The following FAM25G variants were observed in gnomAD, a reference collection of about 807,000 sequenced individuals.
FAM25G encodes family with sequence similarity 25 member G, also known as protein FAM25G.
A neutral mutation model predicts 6.4 loss-of-function variants in FAM25G; 3 were observed. The ratio of observed to expected loss-of-function variants is 0.47; its 90% CI spans 0.21 to 1.21. The LOEUF is 1.21. FAM25G is among the 50% of genes most tolerant of loss of function. The pLI, the probability that FAM25G is intolerant of heterozygous loss-of-function variation, is 0.22. For synonymous variants in FAM25G, 15 were observed against 31.3 expected (o/e 0.48, Z 1.74); for missense variants, 34 against 76.0 (o/e 0.45, Z 2.06).
At chr10:47,487,897 A>C (rs1435909308) in intron 2 of FAM25G, among the ~76,000 whole-genome samples, 2 of 151,032 alleles carry the variant, frequency 1.3e-5, no homozygotes, top group African/African-American at 2.4e-5. Flanking sequence ...ATTAGGCCAA[A>C]GTCTCTGATG....
intron 2 of FAM25G, among the ~76,000 whole-genome samples, chr10:47,488,710 TAA>T (rs1213880651): frequency 8.5e-6 from 1 of 118,128 alleles, no homozygotes; most frequent in Non-Finnish European, 1.7e-5. Context: ...TTTTACATGT[TAA>T]ATTTTTTTTT....
chr10:47,489,952 T>C (rs1195530206), intron 1 of FAM25G, among the ~76,000 whole-genome samples: 5 of 150,768 alleles, frequency 3.3e-5, no homozygotes, highest in Admixed American at 6.6e-5. Flanking sequence ...CCTTGGCTGC[T>C]GGGAGACGAG....
At chr10:47,488,994 C>T (rs1467340487) in intron 2 of FAM25G, among the ~76,000 whole-genome samples, 12 of 147,938 alleles carry the variant, frequency 8.1e-5, no homozygotes, top group African/African-American at 1.3e-4. Flanking sequence ...GGATTACAGG[C>T]GTGAGCCACC....
intron 2 of FAM25G, among the ~76,000 whole-genome samples, chr10:47,488,971 T>A (rs1410725918): frequency 6.7e-6 from 1 of 148,854 alleles, no homozygotes; most frequent in Non-Finnish European, 1.5e-5. Context: ...CACCTCAGCC[T>A]CCCAAAGTGC....
Position 47,488,430 on chromosome 10 carries a change from C to T in FAM25G, c.137-1022G>A, listed in dbSNP as rs1159517849. 2.0e-3 allele frequency among the ~76,000 whole-genome samples: 286 copies of T among 145,214 alleles called. 1 individual carries two copies. The highest frequency in any genetic ancestry group is 6.8e-3 in the African/African-American group (263 of 38,822). On this transcript the variant is annotated intron_variant, in intron 2 of 2. Coordinates refer to ENST00000452267, the MANE Select transcript of FAM25G (RefSeq NM_001137549.2). ...TTTACCATATTGGTCAGGCTGGTCTCGAACTCCTGACCTCAGGTGGCCCAC... is the reference window on the plus strand; with the variant it reads ...TTTACCATATTGGTCAGGCTGGTCTTGAACTCCTGACCTCAGGTGGCCCAC...
chr10:47,490,472 G>A (rs1840131333), intron 1 of FAM25G: 1 of 152,752 alleles, frequency 6.5e-6, no homozygotes, highest in Non-Finnish European at 1.5e-5. Context: ...AGTTCTGGGA[G>A]CCCACGCTAT....
At chr10:47,487,834 CT>C (rs1207140401) in intron 2 of FAM25G, among the ~76,000 whole-genome samples, 9 of 148,270 alleles carry the variant, frequency 6.1e-5, no homozygotes, top group Admixed American at 2.0e-4. Context: ...TTAATATTTC[CT>C]TTATGGCGCT....
rs1264527201 is a variant in FAM25G at position 47,490,083 on chromosome 10, A to G, written c.74-435T>C. ...GAAGCCCAGGCTGGGCCTGTGTGCC[A>G]GGTCACACCCCTCTCAGGATGTGCT... On this transcript the variant is annotated intron_variant, in intron 1 of 2. Transcript: ENST00000452267. 1.2e-4 allele frequency among the ~76,000 whole-genome samples: 18 copies of G among 150,506 alleles called. 2 individuals carry two copies. The highest frequency in any genetic ancestry group is 1.0e-3 in the South Asian group (5 of 4,788).
At chr10:47,489,443 G>A (rs1338159632) in intron 2 of FAM25G, 143 bp downstream of exon 2, 3 of 655,088 alleles carry the variant, frequency 4.6e-6, no homozygotes, top group African/African-American at 3.5e-5. Context: ...GATGAGCATA[G>A]ATAACTGCCC....
intron 2 of FAM25G, among the ~76,000 whole-genome samples, chr10:47,488,966 C>T: frequency 6.7e-6 from 1 of 148,348 alleles, no homozygotes; most frequent in East Asian, 2.1e-4. Context: ...CCGCCCACCT[C>T]AGCCTCCCAA....
intron 2 of FAM25G, among the ~76,000 whole-genome samples, chr10:47,488,920 G>A (rs1235139861): frequency 2.0e-5 from 3 of 146,420 alleles, no homozygotes; most frequent in Non-Finnish European, 3.0e-5. Context: ...GTAGAGATGC[G>A]GTTTCACCGT....
chr10:47,487,645 C>A (rs1215414312), intron 2 of FAM25G, among the ~76,000 whole-genome samples: 1 of 143,114 alleles, frequency 7.0e-6, no homozygotes, highest in African/African-American at 2.6e-5. Context: ...GCCTGCTTAT[C>A]CTTTTTTCTG....
chr10:47,489,525 C>T, intron 2 of FAM25G, 61 bp downstream of exon 2: 1 of 596,218 alleles, frequency 1.7e-6, no homozygotes, highest in East Asian at 2.8e-5. Flanking sequence ...AACAGGTTGG[C>T]CCAGCACCTA....
intron 2 of FAM25G, among the ~76,000 whole-genome samples, chr10:47,488,790 C>T (rs1392678032): frequency 3.3e-5 from 4 of 122,996 alleles, no homozygotes; most frequent in Admixed American, 1.0e-4. Flanking sequence ...TGCAGTGTCG[C>T]GATCTCGGCT....
chr10:47,488,553 C>T (rs1287976848), intron 2 of FAM25G, among the ~76,000 whole-genome samples: 7 of 151,222 alleles, frequency 4.6e-5, no homozygotes, highest in South Asian at 2.1e-4. Flanking sequence ...ATGTTTATCT[C>T]CTAGTAAGTT....
chr10:47,487,644 T>C (rs1266455010), intron 2 of FAM25G, among the ~76,000 whole-genome samples: 1,211 of 137,694 alleles, frequency 8.8e-3, no homozygotes, highest in African/African-American at 0.035. Flanking sequence ...TGCCTGCTTA[T>C]CCTTTTTTCT....
At chr10:47,488,712 AATTTTTTTTTTTTT>A (rs1163125912) in intron 2 of FAM25G, among the ~76,000 whole-genome samples, 5 of 95,952 alleles carry the variant, frequency 5.2e-5, no homozygotes, top group Admixed American at 2.5e-4. Flanking sequence ...TTACATGTTA[AATTTTTTTTTTTTT>A]TTTTTTTTTT....
chr10:47,489,280 A>T (rs1208377699), intron 2 of FAM25G, among the ~76,000 whole-genome samples: 7 of 143,280 alleles, frequency 4.9e-5, no homozygotes, highest in Non-Finnish European at 1.1e-4. Flanking sequence ...AGCCTCCCAA[A>T]GTGCTGGGAT....
intron 2 of FAM25G, among the ~76,000 whole-genome samples, chr10:47,488,476 G>T (rs1840084611): frequency 1.3e-5 from 2 of 150,284 alleles, no homozygotes; most frequent in African/African-American, 5.0e-5. Context: ...TTCCCGAAGG[G>T]CTAGGATTAC....
Sources: allele counts gnomAD v4.1 joint callset (sites outside exome capture counted in the v4.1 genomes callset), GRCh38; gene constraint gnomAD v4.1.1; transcripts MANE v1.5; gene names NCBI Gene and HGNC (gene_info 2026-07-23, HGNC 2026-07-21).